Variants in IMMP2L observed in about 807,000 individuals in gnomAD.
IMMP2L encodes the protein inner mitochondrial membrane peptidase subunit 2, also known as mitochondrial inner membrane protease subunit 2.
In IMMP2L, 18 loss-of-function variants were observed where a neutral mutation model predicts 19.3. The observed-to-expected ratio is 0.93, with a 90% CI of 0.64 to 1.38. The LOEUF (loss-of-function observed/expected upper bound fraction) is 1.38. IMMP2L is among the 40% of genes most tolerant of loss of function. The pLI is 0.00. For synonymous variants in IMMP2L, 76 were observed against 73.0 expected (o/e 1.04, Z -0.21); for missense variants, 233 against 218.2 (o/e 1.07, Z -0.43).
At chr7:110,763,984 A>C (rs190035223) in intron 5 of IMMP2L, among the ~76,000 whole-genome samples, 2 of 152,274 alleles carry the variant, frequency 1.3e-5, no homozygotes, top group Admixed American at 1.3e-4. Flanking sequence ...TTGCTAAATT[A>C]TTACACTCTC....
intron 3 of IMMP2L, among the ~76,000 whole-genome samples, chr7:111,446,703 T>A (rs1023744811): frequency 6.6e-6 from 1 of 152,230 alleles, no homozygotes; most frequent in East Asian, 1.9e-4. Context: ...CAAAACTGGA[T>A]GGAGAATGAT....
chr7:111,198,094 G>A (rs1809696350), intron 3 of IMMP2L, among the ~76,000 whole-genome samples: 2 of 152,106 alleles, frequency 1.3e-5, no homozygotes, highest in South Asian at 2.1e-4. Context: ...TCCAAAGATG[G>A]CATTTTGAAG....
chr7:111,290,810 C>CTATA (rs34013550), intron 3 of IMMP2L, among the ~76,000 whole-genome samples: 1 of 149,284 alleles, frequency 6.7e-6, no homozygotes, highest in Admixed American at 6.7e-5. Context: ...CTCTCTCTCA[C>CTATA]TATATATATA....
chr7:110,799,185 C>A (rs936280175), intron 5 of IMMP2L, among the ~76,000 whole-genome samples: 1 of 151,992 alleles, frequency 6.6e-6, no homozygotes, highest in African/African-American at 2.4e-5. Flanking sequence ...GAGGTCTTTA[C>A]AAAGAATGCC....
chr7:111,162,650 T>G (rs1367786161), intron 3 of IMMP2L, among the ~76,000 whole-genome samples: 3 of 151,742 alleles, frequency 2.0e-5, no homozygotes, highest in Non-Finnish European at 4.4e-5. Flanking sequence ...TTTTTTTTTT[T>G]GCCCCATTGT....
At chr7:111,500,035 C>A (rs941966628) in intron 2 of IMMP2L, among the ~76,000 whole-genome samples, 2 of 152,148 alleles carry the variant, frequency 1.3e-5, no homozygotes, top group African/African-American at 4.8e-5. Context: ...CACAAGGGGT[C>A]AGGGAGTTCC....
intron 4 of IMMP2L, among the ~76,000 whole-genome samples, chr7:110,926,275 T>G (rs1411930093): frequency 3.3e-5 from 5 of 152,116 alleles, no homozygotes; most frequent in African/African-American, 4.8e-5. Context: ...ACATTTAATT[T>G]TATCAGATGT....
intron 4 of IMMP2L, among the ~76,000 whole-genome samples, chr7:110,959,462 T>G (rs1818707360): frequency 6.6e-6 from 1 of 151,938 alleles, no homozygotes; most frequent in Admixed American, 6.6e-5. Flanking sequence ...AATAATATTC[T>G]ATTCCCTACA....
chr7:111,048,135 G>T (rs1442664587), intron 3 of IMMP2L, among the ~76,000 whole-genome samples: 1 of 150,678 alleles, frequency 6.6e-6, no homozygotes, highest in Non-Finnish European at 1.5e-5. Context: ...AGCTACTTGG[G>T]AGGCTGAGGC....
chr7:110,886,810 T>C (rs570225546), intron 4 of IMMP2L, 115 bp from the exon 5 acceptor site: 38 of 506,010 alleles, frequency 7.5e-5, no homozygotes, highest in African/African-American at 7.4e-4. Context: ...AGGTTAACCA[T>C]GAAGCTTCTC....
chr7:111,377,917 G>A (rs974761141), intron 3 of IMMP2L, among the ~76,000 whole-genome samples: 40 of 151,462 alleles, frequency 2.6e-4, no homozygotes, highest in African/African-American at 9.7e-4. Flanking sequence ...ATTGATTTTA[G>A]CATCCTTCCA....
At position 110,727,682 on chromosome 7, in the gene IMMP2L, A is replaced by C. The variant is rs1204768107; in HGVS notation, c.409-63961T>G. ...ACTTTAAAAAATATTAGAATATTAA[A>C]TATAACATGAGCTAGATATTTAAAT... On this transcript the variant is annotated intron_variant, in intron 5 of 5. Coordinates refer to ENST00000405709, the MANE Select transcript of IMMP2L (RefSeq NM_032549.4). This position sits in a 1 kb window ranked among gnomAD's most constrained non-coding sequence, Gnocchi z 4.3. Among the ~76,000 whole-genome samples, 1 of 152,168 alleles carries C rather than the reference A, an allele frequency of 6.6e-6. No individual in the cohort carries two copies. Among genetic ancestry groups the C allele is most frequent in the Non-Finnish European group, 1.5e-5 (1 of 68,038 alleles).
At chr7:111,316,290 T>C (rs1824069643) in intron 3 of IMMP2L, among the ~76,000 whole-genome samples, 1 of 151,844 alleles carries the variant, frequency 6.6e-6, no homozygotes, top group Non-Finnish European at 1.5e-5. Context: ...TTAGATGTAT[T>C]CAAAGCACAA....
intron 3 of IMMP2L, among the ~76,000 whole-genome samples, chr7:111,423,906 T>G (rs1460371952): frequency 1.3e-5 from 2 of 151,846 alleles, no homozygotes; most frequent in Non-Finnish European, 2.9e-5. Flanking sequence ...GTGAAACTTT[T>G]TTAAGTAAAA....
chr7:111,164,121 G>A (rs1044993023), intron 3 of IMMP2L, among the ~76,000 whole-genome samples: 2 of 149,974 alleles, frequency 1.3e-5, no homozygotes, highest in African/African-American at 2.5e-5. Context: ...AGGGGAGGGA[G>A]GGGAGGGAGG....
intron 3 of IMMP2L, among the ~76,000 whole-genome samples, chr7:111,076,497 T>C (rs897041647): frequency 4.6e-5 from 7 of 152,282 alleles, no homozygotes; most frequent in Middle Eastern, 3.4e-3. Context: ...TGAATCAGCC[T>C]CACCTCAGCC....
intron 3 of IMMP2L, among the ~76,000 whole-genome samples, chr7:111,176,272 C>T (rs959128334): frequency 1.3e-5 from 2 of 151,898 alleles, no homozygotes; most frequent in Non-Finnish European, 2.9e-5. Flanking sequence ...AAGGTATACA[C>T]CCAAAAGAAA....
intron 4 of IMMP2L, among the ~76,000 whole-genome samples, chr7:110,914,767 C>A (rs1306590526): frequency 6.9e-6 from 1 of 145,242 alleles, no homozygotes; most frequent in African/African-American, 2.6e-5. Context: ...TAATTTGGTA[C>A]AATAGTTTTT....
chr7:111,513,075 G>A (rs760436531), intron 2 of IMMP2L, among the ~76,000 whole-genome samples: 1 of 151,944 alleles, frequency 6.6e-6, no homozygotes, highest in Non-Finnish European at 1.5e-5. Flanking sequence ...TGTTAGATAC[G>A]ACCCCAAAAG....
Sources: allele counts gnomAD v4.1 joint callset (sites outside exome capture counted in the v4.1 genomes callset), GRCh38; gene constraint gnomAD v4.1.1; non-coding constraint Gnocchi (gnomAD v3.1); transcripts MANE v1.5; gene names NCBI Gene and HGNC (gene_info 2026-07-23, HGNC 2026-07-21).